Variants in TRIM41 observed in about 807,000 individuals in gnomAD.
TRIM41 encodes the protein tripartite motif containing 41, also known as E3 ubiquitin-protein ligase TRIM41.
TRIM41 carries 21 observed loss-of-function variants against 60.6 expected under a neutral mutation model. The ratio of observed to expected loss-of-function variants is 0.35; its 90% CI spans 0.25 to 0.50. TRIM41 has a LOEUF of 0.50. Ranked by LOEUF, TRIM41 falls within the 20% of genes least tolerant of loss-of-function variation. TRIM41 has a pLI of 0.98. For missense variants in TRIM41, 846 were observed against 868.3 expected, an observed-to-expected ratio of 0.97 and a Z score of 0.32; for synonymous variants, 407 against 344.9, an observed-to-expected ratio of 1.18 and a Z score of -2.00.
Position 181,232,791 on chromosome 5 carries a change from G to T in TRIM41, c.1042G>T (p.Ala348Ser). The T allele has an allele frequency of 6.2e-7, 1 of 1,608,108 alleles. No homozygotes were observed. Reference sequence around the variant, plus strand: ...TGAAGCCCAGCTGGGGCGTGCGGGAGCCGCGGCTAGTCGCCTTGCAGAACA... The same window carrying T: ...TGAAGCCCAGCTGGGGCGTGCGGGATCCGCGGCTAGTCGCCTTGCAGAACA... ...MHEAQLGRAGAAASRLAEQAA... is the reference protein window; with the variant it reads ...MHEAQLGRAGSAASRLAEQAA... The change falls in exon 3 of 6, where the codon GCC (alanine) becomes TCC (serine). Residue 348 changes from alanine (A) to serine (S), a missense_variant. Coordinates refer to ENST00000315073, the MANE Select transcript of TRIM41 (RefSeq NM_033549.5).
chr5:181,235,514 C>A lies in TRIM41; in HGVS notation c.*739C>A. ...ACCAAGGAGCAAAGCTCATCCCACC[C>A]CACACCCCTCCCAGGTCTGCTCACT... On this transcript the variant is annotated 3_prime_UTR_variant, in exon 6 of 6. Coordinates refer to ENST00000315073, the MANE Select transcript of TRIM41 (RefSeq NM_033549.5). 1 of 1,342,260 alleles carries A rather than the reference C, an allele frequency of 7.5e-7. No homozygotes were observed. 83.1% of individuals were successfully genotyped at this position (1,342,260 alleles called of 1,614,324 possible).
intron 1 of TRIM41, chr5:181,225,015 G>A (rs1758487168): frequency 4.6e-6 from 3 of 656,458 alleles, no homozygotes; most frequent in South Asian, 2.0e-5. Flanking sequence ...CAGTGAAGAC[G>A]ACCAGGGAAG....
At position 181,224,120 on chromosome 5, in the gene TRIM41, C is replaced by T; in HGVS notation, c.121C>T (p.Arg41Ter). 1 of 1,614,164 alleles carries T rather than the reference C, an allele frequency of 6.2e-7. No individual in the cohort carries two copies. Reference protein sequence around the residue: ...VSIGCGHNFCRVCVTQLWGGE... With the variant: ...VSIGCGHNFC ...CATCGGCTGCGGGCACAACTTCTGC[C>T]GAGTTTGTGTAACCCAGTTGTGGGG... The change falls in exon 1 of 6, where the codon CGA (arginine) becomes TGA (stop). Residue 41 changes from arginine (R) to a stop codon, truncating the protein, a stop_gained. Transcript: ENST00000315073. LOFTEE classifies it high-confidence loss of function.
At chr5:181,230,428 TG>T (rs1415666653) in intron 1 of TRIM41, 1 of 141,390 alleles carries the variant, frequency 7.1e-6, no homozygotes, top group African/African-American at 3.1e-5. Context: ...ATCCGGGAGG[TG>T]GAGGTTCCAG....
At position 181,234,115 on chromosome 5, in the gene TRIM41, C is replaced by G. The variant is rs1003062529; in HGVS notation, c.1292-59C>G. 8 of 1,599,808 alleles carry G rather than the reference C, an allele frequency of 5.0e-6. No individual in the cohort carries two copies. In the African/African-American group the frequency reaches 9.3e-5, roughly 19 times the overall value. On this transcript the variant is annotated intron_variant, in intron 5 of 5. Coordinates refer to ENST00000315073, the MANE Select transcript of TRIM41 (RefSeq NM_033549.5). This position sits in a 1 kb window ranked among gnomAD's most constrained non-coding sequence, Gnocchi z 5.6. ...AAGGGGGCCCAATCTGTGGAGTTGG[C>G]TGCTGACAGGGGAACAGCCGTTCCA...
Position 181,223,925 on chromosome 5 carries a change from C to T in TRIM41, c.-75C>T, listed in dbSNP as rs896215403. ...CAGGGCTGGGGGTGGAGCCGGGTCG[C>T]CAGGGCGTCGGTAGGGAAGACCCCC... is the stretch of plus-strand genomic sequence containing the variant. On this transcript the variant is annotated 5_prime_UTR_variant, in exon 1 of 6. Coordinates refer to ENST00000315073, the MANE Select transcript of TRIM41 (RefSeq NM_033549.5). 1.9e-5 allele frequency: 28 copies of T among 1,495,056 alleles called. No homozygotes were observed. Among genetic ancestry groups the T allele is most frequent in the Middle Eastern group, 3.6e-4 (2 of 5,604 alleles). The allele number at this position is 1,495,056 out of a possible 1,614,324, so 92.6% of individuals were successfully genotyped here.
rs200572049 is a variant in TRIM41 at position 181,224,238 on chromosome 5, C to A, written c.239C>A (p.Ala80Glu). The A allele has an allele frequency of 2.4e-5, 38 of 1,611,888 alleles. No homozygotes were observed. In the Middle Eastern group the frequency reaches 9.9e-4, roughly 42 times the overall value. The change falls in exon 1 of 6, where the codon GCG becomes GAG. Residue 80 changes from alanine (A) to glutamate (E), a missense_variant. By Grantham distance (107) the Ala-to-Glu change is moderately radical (BLOSUM62 -1). Transcript: ENST00000315073. ...GAAGTGGAGGCTGTGGGGGCTGGCG[C>A]GGGGTGGGACACCCCCATGCGGGAT... ...EEEVEAVGAG[A>E]GWDTPMRDED...
chr5:181,230,405 G>C (rs1758739922), intron 1 of TRIM41: 1 of 167,150 alleles, frequency 6.0e-6, no homozygotes, highest in Non-Finnish European at 1.3e-5. Context: ...GCTGAGGCAG[G>C]AGAATCGCTT....
rs1308522176 is a variant in TRIM41 at position 181,232,812 on chromosome 5, G to C, written c.1063G>C (p.Glu355Gln). The C allele has an allele frequency of 3.1e-6, 5 of 1,591,344 alleles. No homozygotes were observed. The highest frequency in any genetic ancestry group is 2.3e-5 in the East Asian group (1 of 43,806). ...GGGAGCCGCGGCTAGTCGCCTTGCA[G>C]AACAGGCCGCCCAGCTCAGCCGCCT... ...RAGAAASRLA[E>Q]QAAQLSRLLA... Residue 355 changes from glutamate to glutamine, a missense_variant, in exon 3 of 6, where the codon GAA becomes CAA. Physicochemically the swap from Glu to Gln is conservative, Grantham distance 29. Transcript: ENST00000315073.
Position 181,235,141 on chromosome 5 carries a change from TC to T in TRIM41, c.*367del, listed in dbSNP as rs943595822. The T allele has an allele frequency of 6.4e-7, 1 of 1,555,392 alleles. No homozygotes were observed. The highest frequency in any genetic ancestry group is 1.4e-5 in the African/African-American group (1 of 72,882). On this transcript the variant is annotated 3_prime_UTR_variant, in exon 6 of 6. Coordinates refer to ENST00000315073, the MANE Select transcript of TRIM41 (RefSeq NM_033549.5). ...ACTTCCTTTTCCCCACCCCTGCTCT[TC>T]AACCTCTTTATCAGTTCTGAGGCTG...
Position 181,233,430 on chromosome 5 carries a change from C to G in TRIM41, c.1158C>G (p.Phe386Leu), listed in dbSNP as rs776483910. The G allele has an allele frequency of 2.9e-5, 47 of 1,614,010 alleles. No homozygotes were observed. The highest frequency in any genetic ancestry group is 4.0e-5 in the African/African-American group (3 of 74,894). The change falls in exon 4 of 6, where the codon TTC becomes TTG. Residue 386 changes from phenylalanine (F) to leucine (L), a missense_variant. Transcript: ENST00000315073. The surrounding 1 kb of genome is among the most constrained non-coding windows in gnomAD (Gnocchi z 4.1). ...ATTCCCAGGACATCAAGGAGACTTT[C>G]AATAGGTGTGTTCCCAGTCTTTGCC... Reference protein sequence around the residue: ...LRLLQDIKETFNRCEEVQLQP... With the variant: ...LRLLQDIKETLNRCEEVQLQP...
At position 181,233,819 on chromosome 5, in the gene TRIM41, T is replaced by C. The variant is rs1316411885; in HGVS notation, c.1291+56T>C. On this transcript the variant is annotated intron_variant, in intron 5 of 5. Coordinates refer to ENST00000315073, the MANE Select transcript of TRIM41 (RefSeq NM_033549.5). The surrounding 1 kb of genome is among the most constrained non-coding windows in gnomAD (Gnocchi z 4.1). ...GCCTTTCCCTTCACAGACCTGAGACTGGGTCCTGAGGGAAGTTGGGCCCCA... is the reference window on the plus strand; with the variant it reads ...GCCTTTCCCTTCACAGACCTGAGACCGGGTCCTGAGGGAAGTTGGGCCCCA... The C allele has an allele frequency of 4.3e-6, 7 of 1,613,340 alleles. No homozygotes were observed. Among genetic ancestry groups the C allele is most frequent in the Non-Finnish European group, 5.9e-6 (7 of 1,179,444 alleles).
In TRIM41 at chr5:181,224,665, C is replaced by G. The variant is rs764363977; in HGVS notation, c.666C>G (p.Thr222=). ...CCCCTGGTCGAGGGAGCCGCGTGAC[C>G]GATCAGGGCATCTGTCCCAAACACC... is the stretch of plus-strand genomic sequence containing the variant. The part of the protein sequence containing the change: ...HPTPGRGSRV[T]DQGICPKHQE... Residue 222 remains threonine (T), a synonymous_variant, in exon 1 of 6, where the codon ACC becomes ACG. Transcript: ENST00000315073. 1.2e-6 allele frequency: 2 copies of G among 1,614,102 alleles called. No individual in the cohort carries two copies. The highest frequency in any genetic ancestry group is 1.7e-6 in the Non-Finnish European group (2 of 1,180,050).
chr5:181,224,550 C>G lies in TRIM41; in HGVS notation c.551C>G (p.Pro184Arg). 6.2e-7 allele frequency: 1 copy of G among 1,613,722 alleles called. No individual in the cohort carries two copies. Residue 184 changes from proline (P) to arginine (R), a missense_variant, in exon 1 of 6, where the codon CCT (proline) becomes CGT (arginine). By Grantham distance (103) the Pro-to-Arg change is moderately radical. Coordinates refer to ENST00000315073, the MANE Select transcript of TRIM41 (RefSeq NM_033549.5). ...GCCCCTCGGAGGTGCTTCACATGCC[C>G]TCAGTGCCGAAAGAGCTTTCCTCGG... The part of the protein sequence containing the change: ...PPAPRRCFTC[P>R]QCRKSFPRRS...
At chr5:181,224,962 A>C (rs1467207404) in intron 1 of TRIM41, 150 bp downstream of exon 1, 2 of 921,412 alleles carry the variant, frequency 2.2e-6, no homozygotes, top group African/African-American at 1.7e-5. Context: ...TACTGCCACC[A>C]AGGTGGATTA....
chr5:181,233,988 A>G lies in TRIM41; in HGVS notation c.1292-186A>G. On this transcript the variant is annotated intron_variant, in intron 5 of 5. Transcript: ENST00000315073. This position sits in a 1 kb window ranked among gnomAD's most constrained non-coding sequence, Gnocchi z 4.1. ...TGGCAGGAAGAGCCAGGCTGGGGGA[A>G]GACCTGTCAGGTATCCTAGGAACAA... 1.7e-6 allele frequency: 2 copies of G among 1,195,446 alleles called. No homozygotes were observed. The highest frequency in any genetic ancestry group is 1.2e-6 in the Non-Finnish European group (1 of 849,528). 74.1% of individuals were successfully genotyped at this position (1,195,446 alleles called of 1,614,324 possible). A position where few individuals can be genotyped will look rare whatever the true frequency, so the allele number is the denominator to read the frequency against.
rs1218520033 is a variant in TRIM41, at chr5:181,233,559, C to T, written c.1164-77C>T. On this transcript the variant is annotated intron_variant, in intron 4 of 5. Transcript: ENST00000315073. This position sits in a 1 kb window ranked among gnomAD's most constrained non-coding sequence, Gnocchi z 4.1. ...CTGAGTTTCCATCTCCTGGACCCTCCTCTCCTTCCCCTCAGCTTTTGCTTT... is the reference window on the plus strand; with the variant it reads ...CTGAGTTTCCATCTCCTGGACCCTCTTCTCCTTCCCCTCAGCTTTTGCTTT... 4 of 1,608,584 alleles carry T rather than the reference C, an allele frequency of 2.5e-6. No individual in the cohort carries two copies. The highest frequency in any genetic ancestry group is 4.5e-5 in the East Asian group (2 of 44,862).
At chr5:181,228,248 A>C (rs1387549097) in intron 1 of TRIM41, 1 of 152,164 alleles carries the variant, frequency 6.6e-6, no homozygotes, top group African/African-American at 2.4e-5. Flanking sequence ...AAAAAAAAGA[A>C]AAAATGTTTT....
At position 181,223,959 on chromosome 5, in the gene TRIM41, C is replaced by G; in HGVS notation, c.-41C>G. On this transcript the variant is annotated 5_prime_UTR_variant, in exon 1 of 6. Coordinates refer to ENST00000315073, the MANE Select transcript of TRIM41 (RefSeq NM_033549.5). ...CGGTAGGGAAGACCCCCGCCCCTCG[C>G]CCCCCCACCGAACCTCTACACTGGC... 3.8e-6 allele frequency: 6 copies of G among 1,559,346 alleles called. No homozygotes were observed. Among genetic ancestry groups the G allele is most frequent in the East Asian group, 2.3e-5 (1 of 44,006 alleles).
Sources: allele counts gnomAD v4.1 joint callset, GRCh38; gene constraint gnomAD v4.1.1; non-coding constraint Gnocchi (gnomAD v3.1); transcripts MANE v1.5; gene names NCBI Gene and HGNC (gene_info 2026-07-23, HGNC 2026-07-21).